Variants in RSRC1 observed in about 807,000 individuals in gnomAD.
The protein encoded by RSRC1 is arginine and serine rich coiled-coil 1.
In RSRC1, 39 loss-of-function variants were observed where a neutral mutation model predicts 49.1. The observed-to-expected ratio is 0.79, with a 90% CI of 0.61 to 1.04. RSRC1 has a LOEUF of 1.04. RSRC1 is among the 50% of genes least tolerant of loss of function. RSRC1 has a pLI of 0.00. For synonymous variants in RSRC1, 143 were observed against 130.8 expected (o/e 1.09, Z -0.63); for missense variants, 388 against 402.4 (o/e 0.96, Z 0.31).
chr3:158,276,332 G>A (rs148281653), intron 4 of RSRC1: 6 of 766,720 alleles, frequency 7.8e-6, no homozygotes, highest in Admixed American at 3.5e-5. Flanking sequence ...AGAGCTGGCG[G>A]TACTGCCAGC....
At chr3:158,392,483 A>G (rs1165316119) in intron 6 of RSRC1, among the ~76,000 whole-genome samples, 3 of 152,118 alleles carry the variant, frequency 2.0e-5, no homozygotes, top group Non-Finnish European at 4.4e-5. Flanking sequence ...TAGCTATGAT[A>G]CAGTTGAAAT....
At chr3:158,215,465 G>A (rs913515696) in intron 4 of RSRC1, among the ~76,000 whole-genome samples, 1 of 151,362 alleles carries the variant, frequency 6.6e-6, no homozygotes, top group Non-Finnish European at 1.5e-5. Flanking sequence ...TAATTGGTGT[G>A]TTTACATGAC....
chr3:158,198,406 C>G (rs993440584), intron 3 of RSRC1, among the ~76,000 whole-genome samples: 3 of 152,126 alleles, frequency 2.0e-5, no homozygotes, highest in Non-Finnish European at 4.4e-5. Context: ...AGATGGATTT[C>G]CTGAATACAG....
rs1491469875 is a variant in RSRC1, at chr3:158,118,462, T to TGTGTGTGTGTGCGCGC, written c.-2-3640_-2-3639insTGTGTGTGTGCGCGCG. ...GTGTGTGTGTGTGTGTGTGTGTGTG[T>TGTGTGTGTGTGCGCGC]GCGCGTGCGCGTGGTTTTTTTAAAT... On this transcript the variant is annotated intron_variant, in intron 1 of 9. Transcript: ENST00000611884. 1.5e-3 allele frequency among the ~76,000 whole-genome samples: 191 copies of TGTGTGTGTGTGCGCGC among 124,692 alleles called. 1 individual carries two copies. The highest frequency in any genetic ancestry group is 5.0e-3 in the East Asian group (19 of 3,778). 81.8% of individuals were successfully genotyped at this position (124,692 alleles called of 152,430 possible). A position where few individuals can be genotyped will look rare whatever the true frequency, so the allele number is the denominator to read the frequency against.
intron 5 of RSRC1, among the ~76,000 whole-genome samples, chr3:158,312,069 C>G (rs1728160874): frequency 2.6e-5 from 4 of 151,772 alleles, no homozygotes; most frequent in Non-Finnish European, 5.9e-5. Context: ...GGTGAAGGAG[C>G]ACATTTCTTG....
At chr3:158,197,428 TTTG>T (rs1460751242) in intron 3 of RSRC1, among the ~76,000 whole-genome samples, 2 of 152,156 alleles carry the variant, frequency 1.3e-5, no homozygotes, top group Admixed American at 1.3e-4. Flanking sequence ...GCCTATCAAT[TTTG>T]TTGATCTTTT....
intron 5 of RSRC1, among the ~76,000 whole-genome samples, chr3:158,350,026 C>T (rs1007783831): frequency 6.6e-6 from 1 of 151,438 alleles, no homozygotes; most frequent in African/African-American, 2.4e-5. Context: ...CTATTAATGT[C>T]AACACTACCA....
chr3:158,340,849 T>G (rs895364377), intron 5 of RSRC1, among the ~76,000 whole-genome samples: 1 of 152,168 alleles, frequency 6.6e-6, no homozygotes, highest in Non-Finnish European at 1.5e-5. Context: ...CCTAGAGACT[T>G]GTTGAATGGC....
chr3:158,519,158 A>T (rs1711524505), intron 7 of RSRC1, among the ~76,000 whole-genome samples: 1 of 151,986 alleles, frequency 6.6e-6, no homozygotes, highest in Non-Finnish European at 1.5e-5. Context: ...ATCAGCCTTT[A>T]TTTTCATAAT....
At chr3:158,481,240 A>C (rs1356794750) in intron 7 of RSRC1, among the ~76,000 whole-genome samples, 2 of 152,070 alleles carry the variant, frequency 1.3e-5, no homozygotes, top group Non-Finnish European at 2.9e-5. Flanking sequence ...ATAAAGCCTT[A>C]TTATTGGTGC....
intron 6 of RSRC1, among the ~76,000 whole-genome samples, chr3:158,451,584 T>C (rs899819217): frequency 1.3e-5 from 2 of 152,006 alleles, no homozygotes; most frequent in Admixed American, 6.6e-5. Context: ...ACATGAAACT[T>C]CAAAGGAAAT....
At chr3:158,117,161 TG>T (rs1211695314) in intron 1 of RSRC1, among the ~76,000 whole-genome samples, 1 of 152,232 alleles carries the variant, frequency 6.6e-6, no homozygotes, top group African/African-American at 2.4e-5. Flanking sequence ...TGCCTTTTAT[TG>T]TGCTACCCAT....
chr3:158,333,870 TAAA>T (rs1729701036), intron 5 of RSRC1, among the ~76,000 whole-genome samples: 1 of 151,876 alleles, frequency 6.6e-6, no homozygotes, highest in Non-Finnish European at 1.5e-5. Context: ...GGAGACAAAA[TAAA>T]GAAGTTGAAA....
At chr3:158,529,576 C>G (rs1462928371) in intron 7 of RSRC1, among the ~76,000 whole-genome samples, 2 of 151,846 alleles carry the variant, frequency 1.3e-5, no homozygotes, top group Non-Finnish European at 2.9e-5. Context: ...CGCAGAGTGC[C>G]TTAAATTTCT....
chr3:158,146,051 G>T (rs2108204158), intron 3 of RSRC1, among the ~76,000 whole-genome samples: 1 of 152,190 alleles, frequency 6.6e-6, no homozygotes, highest in Admixed American at 6.5e-5. Flanking sequence ...GGGTTTTCTG[G>T]ATATACAATC....
At chr3:158,399,045 C>A (rs1157183573) in intron 6 of RSRC1, among the ~76,000 whole-genome samples, 1 of 145,620 alleles carries the variant, frequency 6.9e-6, no homozygotes, top group Non-Finnish European at 1.5e-5. Flanking sequence ...GAATATTTAT[C>A]ATGTTTGAGA....
At chr3:158,144,877 G>A (rs1323264245) in intron 3 of RSRC1, among the ~76,000 whole-genome samples, 1 of 152,162 alleles carries the variant, frequency 6.6e-6, no homozygotes, top group East Asian at 1.9e-4. Context: ...GCCTTTCTCT[G>A]ATGGCCAGTG....
intron 4 of RSRC1, among the ~76,000 whole-genome samples, chr3:158,246,851 A>T (rs1249617204): frequency 1.3e-5 from 2 of 151,872 alleles, no homozygotes; most frequent in Non-Finnish European, 2.9e-5. Context: ...TCTGATAATT[A>T]TGTCTTGGGG....
At chr3:158,111,446 G>C (rs1019919913) in intron 1 of RSRC1, among the ~76,000 whole-genome samples, 1 of 152,216 alleles carries the variant, frequency 6.6e-6, no homozygotes, top group South Asian at 2.1e-4. Flanking sequence ...GTTGTTTATA[G>C]TAGATCTATA....
Sources: gnomAD v4.1 joint callset for allele counts (sites outside exome capture counted in the v4.1 genomes callset) on GRCh38, gnomAD v4.1.1 for gene constraint, MANE v1.5 for transcripts, NCBI Gene and HGNC (gene_info 2026-07-23, HGNC 2026-07-21) for gene names.